KLRG1: variants seen among roughly 807,000 people sequenced by gnomAD.
KLRG1 encodes the protein killer cell lectin-like receptor subfamily G member 1.
A neutral mutation model predicts 21.8 loss-of-function variants in KLRG1; 16 were observed. That is an observed-to-expected ratio of 0.73 (90% CI 0.50 to 1.11). The LOEUF is 1.11. Among genes scored for constraint, KLRG1 ranks in the 50% most tolerant of loss-of-function variants. The pLI is 0.00. For missense variants in KLRG1, 173 were observed against 218.3 expected (o/e 0.79, Z 1.31); for synonymous variants, 69 against 75.9 (o/e 0.91, Z 0.47).
At chr12:8,982,035 G>A (rs1946762818) in intron 1 of KLRG1, among the ~76,000 whole-genome samples, 1 of 152,130 alleles carries the variant, frequency 6.6e-6, no homozygotes, top group Non-Finnish European at 1.5e-5. Context: ...ACCACTTGTG[G>A]AAGGCTGAAT....
At chr12:9,209,845 A>G in the KLRG1 span, among the ~76,000 whole-genome samples, 2 of 152,154 alleles carry the variant, frequency 1.3e-5, no homozygotes, top group Admixed American at 6.5e-5. Context: ...AAAATATGTC[A>G]TCACTATTAT....
At chr12:9,202,638 T>C in the KLRG1 span, 1 of 1,614,150 alleles carries the variant, frequency 6.2e-7, no homozygotes, top group Non-Finnish European at 8.5e-7. Flanking sequence ...CCCCTTTATC[T>C]GGATGCTAAG....
At chr12:9,079,949 T>C in the KLRG1 span, 1 of 1,032,430 alleles carries the variant, frequency 9.7e-7, no homozygotes, top group East Asian at 2.7e-5. Context: ...GATAGAAGTA[T>C]GATTGAAAGC....
At chr12:9,029,007 T>C in the KLRG1 span, 36 of 600,476 alleles carry the variant, frequency 6.0e-5, 1 homozygote, top group South Asian at 5.4e-4. Flanking sequence ...CTTCAGGCTC[T>C]CATTGGTTGT....
the KLRG1 span, among the ~76,000 whole-genome samples, chr12:9,102,263 T>C: frequency 6.6e-6 from 1 of 152,200 alleles, no homozygotes; most frequent in African/African-American, 2.4e-5. Flanking sequence ...GCGCCCATGC[T>C]GGAGTACAGT....
the KLRG1 span, among the ~76,000 whole-genome samples, chr12:9,055,427 G>C: frequency 1.3e-5 from 2 of 152,150 alleles, no homozygotes; most frequent in Admixed American, 1.3e-4. Flanking sequence ...ATATTCTGAG[G>C]TTCTGCAGTA....
intron 1 of KLRG1, 27 bp from the exon 2 acceptor site, chr12:8,992,179 G>T (rs754241802): frequency 5.7e-6 from 9 of 1,568,016 alleles, no homozygotes; most frequent in African/African-American, 1.4e-5. Context: ...TCTGACTCAG[G>T]ATTGTGCTTT....
At chr12:9,053,148 G>A in the KLRG1 span, among the ~76,000 whole-genome samples, 2 of 152,048 alleles carry the variant, frequency 1.3e-5, no homozygotes, top group Middle Eastern at 3.2e-3. Context: ...CATTAGGTTC[G>A]TTGGCACATC....
chr12:8,970,201 T>A (rs1946543761), intron 1 of KLRG1, among the ~76,000 whole-genome samples: 1 of 152,244 alleles, frequency 6.6e-6, no homozygotes, highest in African/African-American at 2.4e-5. Context: ...GGCTTGCCAT[T>A]TCTTTTGTGA....
chr12:9,062,738 A>T, the KLRG1 span, among the ~76,000 whole-genome samples: 380 of 147,942 alleles, frequency 2.6e-3, 1 homozygote, highest in Middle Eastern at 0.011. Flanking sequence ...ATAGTATATT[A>T]TCATTTATAA....
At chr12:9,054,529 G>T in the KLRG1 span, among the ~76,000 whole-genome samples, 1 of 150,976 alleles carries the variant, frequency 6.6e-6, no homozygotes, top group Non-Finnish European at 1.5e-5. Flanking sequence ...CTTATAATTG[G>T]GATATTCATC....
chr12:9,061,346 C>CA, the KLRG1 span, among the ~76,000 whole-genome samples: 12 of 152,116 alleles, frequency 7.9e-5, no homozygotes, highest in African/African-American at 2.7e-4. Flanking sequence ...GTTGGTCTTG[C>CA]ACTCCTGGCC....
At chr12:8,992,408 A>G in intron 2 of KLRG1, 98 bp downstream of exon 2, 3 of 805,796 alleles carry the variant, frequency 3.7e-6, no homozygotes, top group South Asian at 3.6e-5. Flanking sequence ...TAATTCAAAC[A>G]AAATAACTCT....
At chr12:9,009,176 A>G in intron 4 of KLRG1, 101 bp downstream of exon 4, 1 of 968,210 alleles carries the variant, frequency 1.0e-6, no homozygotes, top group Non-Finnish European at 1.5e-6. Context: ...TGGAGAGGAG[A>G]GGAAAGAATG....
chr12:9,171,033 C>T, the KLRG1 span, among the ~76,000 whole-genome samples: 8 of 152,212 alleles, frequency 5.3e-5, no homozygotes, highest in Non-Finnish European at 1.0e-4. Context: ...TCCCTGATCC[C>T]ATTCCTCCTG....
At chr12:9,151,912 C>A in the KLRG1 span, among the ~76,000 whole-genome samples, 29 of 152,230 alleles carry the variant, frequency 1.9e-4, no homozygotes, top group African/African-American at 6.7e-4. Flanking sequence ...TAGTGCATAT[C>A]AGTCAGTTTG....
the KLRG1 span, chr12:9,067,704 G>C: frequency 1.2e-6 from 1 of 842,678 alleles, no homozygotes. Flanking sequence ...AGGAAACAGG[G>C]AAAGACATTG....
the KLRG1 span, among the ~76,000 whole-genome samples, chr12:9,184,804 G>C: frequency 2.0e-5 from 3 of 152,178 alleles, no homozygotes; most frequent in African/African-American, 7.2e-5. Context: ...GTCCTGAACT[G>C]AGCCTTGCTC....
intron 1 of KLRG1, among the ~76,000 whole-genome samples, chr12:8,967,828 T>C (rs1248867125): frequency 6.6e-6 from 1 of 152,104 alleles, no homozygotes; most frequent in Non-Finnish European, 1.5e-5. Context: ...GGGTATACTA[T>C]TGTAAAGTTC....
Sources: allele counts gnomAD v4.1 joint callset (sites outside exome capture counted in the v4.1 genomes callset), GRCh38; gene constraint gnomAD v4.1.1; transcripts MANE v1.5; gene names NCBI Gene and HGNC (gene_info 2026-07-23, HGNC 2026-07-21).